FBXO42: variants seen among roughly 807,000 people sequenced by gnomAD.
The protein encoded by FBXO42 is F-box protein 42.
In FBXO42, 12 loss-of-function variants were observed where a neutral mutation model predicts 71.7. The ratio of observed to expected loss-of-function variants is 0.17; its 90% confidence interval spans 0.11 to 0.27. The LOEUF is 0.27. Ranked by LOEUF, FBXO42 falls within the 10% of genes least tolerant of loss-of-function variation. The pLI is 1.00. For synonymous variants in FBXO42, 325 were observed against 327.5 expected (o/e 0.99, Z 0.08); for missense variants, 707 against 911.9 (o/e 0.78, Z 2.89).
At chr1:16,324,767 G>C (rs1303847146) in intron 1 of FBXO42, among the ~76,000 whole-genome samples, 1 of 151,638 alleles carries the variant, frequency 6.6e-6, no homozygotes, top group African/African-American at 2.4e-5. Context: ...AGTGAGCCAA[G>C]ATCGCGCAAC....
chr1:16,259,544 A>G (rs185217745), intron 4 of FBXO42, among the ~76,000 whole-genome samples: 61 of 152,258 alleles, frequency 4.0e-4, no homozygotes, highest in African/African-American at 1.5e-3. Context: ...CAGGCAGATC[A>G]CTTAAGGTCA....
intron 3 of FBXO42, among the ~76,000 whole-genome samples, chr1:16,303,342 T>C (rs2082216181): frequency 1.3e-5 from 2 of 152,192 alleles, no homozygotes; most frequent in African/African-American, 4.8e-5. Flanking sequence ...ATAATCTTTT[T>C]ATCTGTAGGA....
intron 4 of FBXO42, among the ~76,000 whole-genome samples, chr1:16,267,674 T>G (rs375476950): frequency 6.9e-4 from 105 of 152,166 alleles, no homozygotes; most frequent in African/African-American, 2.5e-3. Flanking sequence ...TACTCCTCAA[T>G]TGTAAAAAGG....
chr1:16,317,921 A>AG (rs1367968512), intron 1 of FBXO42, among the ~76,000 whole-genome samples: 1 of 151,454 alleles, frequency 6.6e-6, no homozygotes, highest in East Asian at 1.9e-4. Context: ...CATGTCTCGA[A>AG]GAAAAAAAAA....
intron 1 of FBXO42, among the ~76,000 whole-genome samples, chr1:16,345,139 C>T (rs543670888): frequency 6.6e-6 from 1 of 152,006 alleles, no homozygotes; most frequent in East Asian, 1.9e-4. Flanking sequence ...TATATATTTT[C>T]TGAGCCAGGC....
chr1:16,294,965 T>G, intron 3 of FBXO42, 48 bp from the exon 4 acceptor site: 1 of 1,539,724 alleles, frequency 6.5e-7, no homozygotes, highest in African/African-American at 1.4e-5. Context: ...CTGAGGCCCT[T>G]CCAACATTTT....
At chr1:16,351,005 A>C (rs1182578789) in intron 1 of FBXO42, among the ~76,000 whole-genome samples, 3 of 152,218 alleles carry the variant, frequency 2.0e-5, no homozygotes, top group Non-Finnish European at 2.9e-5. Context: ...TTAGCAATTT[A>C]ACACAGCATC....
At chr1:16,346,844 T>G (rs1440261445) in intron 1 of FBXO42, among the ~76,000 whole-genome samples, 1 of 148,442 alleles carries the variant, frequency 6.7e-6, no homozygotes, top group Non-Finnish European at 1.5e-5. Context: ...AACCTCTGCC[T>G]CCTGGGTTCA....
intron 4 of FBXO42, among the ~76,000 whole-genome samples, chr1:16,288,452 AAAT>A (rs915415821): frequency 2.1e-5 from 3 of 140,500 alleles, no homozygotes; most frequent in East Asian, 2.0e-4. Flanking sequence ...ATAAAAATAA[AAAT>A]AATAATAATA....
chr1:16,334,566 T>A (rs189290200), intron 1 of FBXO42, among the ~76,000 whole-genome samples: 30 of 152,074 alleles, frequency 2.0e-4, no homozygotes, highest in Non-Finnish European at 3.8e-4. Flanking sequence ...AACCCACAAC[T>A]AACAACATAA....
At chr1:16,255,352 T>C (rs79014641) in intron 6 of FBXO42, among the ~76,000 whole-genome samples, 5 of 145,528 alleles carry the variant, frequency 3.4e-5, no homozygotes, top group East Asian at 2.0e-4. Context: ...TTTTTTTTTT[T>C]CCTTAAGAGT....
At chr1:16,351,889 A>C (rs1370043064) in intron 1 of FBXO42, among the ~76,000 whole-genome samples, 2 of 151,236 alleles carry the variant, frequency 1.3e-5, no homozygotes, top group Non-Finnish European at 2.9e-5. Context: ...CCGACCCCCG[A>C]CTCCTCTCTC....
At chr1:16,335,105 G>A (rs976972524) in intron 1 of FBXO42, among the ~76,000 whole-genome samples, 1 of 147,658 alleles carries the variant, frequency 6.8e-6, no homozygotes, top group African/African-American at 2.5e-5. Flanking sequence ...GCCAGGCTTG[G>A]TGGCTCTGTC....
At chr1:16,321,183 A>G (rs557492844) in intron 1 of FBXO42, among the ~76,000 whole-genome samples, 15 of 152,292 alleles carry the variant, frequency 9.8e-5, no homozygotes, top group Admixed American at 3.3e-4. Flanking sequence ...CCCTCCACAA[A>G]AACATCAAAC....
At chr1:16,296,274 T>G (rs550363016) in intron 3 of FBXO42, among the ~76,000 whole-genome samples, 1 of 152,142 alleles carries the variant, frequency 6.6e-6, no homozygotes, top group African/African-American at 2.4e-5. Flanking sequence ...AAAATAAAAT[T>G]AAGTAAACAA....
intron 3 of FBXO42, among the ~76,000 whole-genome samples, chr1:16,296,156 G>A (rs1023625920): frequency 6.6e-6 from 1 of 152,144 alleles, no homozygotes; most frequent in Non-Finnish European, 1.5e-5. Flanking sequence ...TGGAAATGAC[G>A]ATCACATTCC....
chr1:16,289,792 G>A (rs1483401151), intron 4 of FBXO42, among the ~76,000 whole-genome samples: 1 of 152,112 alleles, frequency 6.6e-6, no homozygotes, highest in African/African-American at 2.4e-5. Flanking sequence ...AAATTAGCCA[G>A]GCATGGTGGT....
intron 1 of FBXO42, among the ~76,000 whole-genome samples, chr1:16,349,633 G>A (rs1336897433): frequency 6.6e-6 from 1 of 152,210 alleles, no homozygotes; most frequent in African/African-American, 2.4e-5. Flanking sequence ...GGCCAAGGCA[G>A]GTGGATCGCC....
At chr1:16,342,396 CAA>C (rs34993864) in intron 1 of FBXO42, among the ~76,000 whole-genome samples, 1,023 of 77,834 alleles carry the variant, frequency 0.013, 12 homozygotes, top group Middle Eastern at 0.056. Context: ...AACTCTGTCT[CAA>C]AAAAAAAAAA....
Sources: allele counts gnomAD v4.1 joint callset (sites outside exome capture counted in the v4.1 genomes callset), GRCh38; gene constraint gnomAD v4.1.1; transcripts MANE v1.5; gene names NCBI Gene and HGNC (gene_info 2026-07-23, HGNC 2026-07-21).